The following IL1RAPL2 variants were observed in gnomAD, a reference collection of about 807,000 sequenced individuals.
The protein encoded by IL1RAPL2 is X-linked interleukin-1 receptor accessory protein-like 2.
A neutral mutation model predicts 44.1 loss-of-function variants in IL1RAPL2; 3 were observed. That is an observed-to-expected ratio of 0.07 (90% CI 0.03 to 0.18). IL1RAPL2 has a LOEUF of 0.18. IL1RAPL2 is among the 10% of genes least tolerant of loss of function. The pLI is 1.00. For missense variants in IL1RAPL2, 391 were observed against 496.4 expected (o/e 0.79, Z 2.02); for synonymous variants, 181 against 178.8 (o/e 1.01, Z -0.10).
intron 1 of IL1RAPL2, among the ~76,000 whole-genome samples, chrX:104,575,406 A>G (rs1054798425): frequency 9.0e-6 from 1 of 111,628 alleles, no homozygotes; most frequent in Non-Finnish European, 1.9e-5. Context: ...TTATAAACAT[A>G]TTGTATATAT....
chrX:105,030,564 A>G (rs1296979844), intron 2 of IL1RAPL2, among the ~76,000 whole-genome samples: 6 of 111,190 alleles, frequency 5.4e-5, no homozygotes, highest in African/African-American at 1.3e-4. Flanking sequence ...GTAGATATGC[A>G]CCATTATTTC....
intron 5 of IL1RAPL2, among the ~76,000 whole-genome samples, chrX:105,460,040 T>C (rs2036082686): frequency 9.0e-6 from 1 of 111,304 alleles, no homozygotes; most frequent in African/African-American, 3.3e-5. Flanking sequence ...TGCCAGCAGA[T>C]TGTCCAACAG....
intron 5 of IL1RAPL2, among the ~76,000 whole-genome samples, chrX:105,333,509 C>T (rs960390505): frequency 7.2e-5 from 8 of 111,205 alleles, no homozygotes; most frequent in African/African-American, 2.3e-4. Flanking sequence ...CAAAAATGGA[C>T]AAATGGAATC....
chrX:105,190,243 A>C (rs1806436030), intron 2 of IL1RAPL2, among the ~76,000 whole-genome samples: 1 of 111,869 alleles, frequency 8.9e-6, no homozygotes, highest in Non-Finnish European at 1.9e-5. Flanking sequence ...ATGGGGGTGT[A>C]GCCTGGTTCC....
intron 2 of IL1RAPL2, among the ~76,000 whole-genome samples, chrX:104,847,971 C>T (rs1022351475): frequency 9.1e-6 from 1 of 110,421 alleles, no homozygotes; most frequent in Non-Finnish European, 1.9e-5. Context: ...AATGGGAGTT[C>T]ACTCATGATT....
chrX:104,632,815 A>G (rs1929683688), intron 1 of IL1RAPL2, among the ~76,000 whole-genome samples: 1 of 108,482 alleles, frequency 9.2e-6, no homozygotes, highest in African/African-American at 3.3e-5. Context: ...CTCTTTTCCT[A>G]TTTGAATACC....
chrX:105,195,647 GC>G lies in IL1RAPL2; in HGVS notation c.258del (p.Ile87SerfsTer8). 1 of 1,211,415 alleles carries G rather than the reference GC, an allele frequency of 8.3e-7. No homozygotes were observed. Among genetic ancestry groups the G allele is most frequent in the Non-Finnish European group, 1.1e-6 (1 of 894,992 alleles). On this transcript the variant is annotated frameshift_variant, in exon 3 of 11. Transcript: ENST00000372582. LOFTEE classifies it high-confidence loss of function. ...WYKNKGDLEE[P>X]IIFSEVRMSK... is the part of the protein sequence containing the mutation. ...ACAAAAACAAAGGTGATTTGGAAGA[GC>G]CCATCATCTTTTCAGAGGTCAGGAT...
intron 2 of IL1RAPL2, among the ~76,000 whole-genome samples, chrX:104,731,460 T>TGGCGCAGTCTCTACTGACTGCAGC (rs1931917227): frequency 9.0e-6 from 1 of 110,918 alleles, no homozygotes; most frequent in African/African-American, 3.3e-5. Context: ...TGGAATGCAG[T>TGGCGCAGTCTCTACTGACTGCAGC]GGCGCAGTCT....
chrX:104,840,855 T>C (rs185020844), intron 2 of IL1RAPL2, among the ~76,000 whole-genome samples: 1 of 109,144 alleles, frequency 9.2e-6, no homozygotes, highest in African/African-American at 3.4e-5. Flanking sequence ...TTATTTATTT[T>C]TTTTTTGTAT....
intron 6 of IL1RAPL2, among the ~76,000 whole-genome samples, chrX:105,661,983 C>A (rs1350697520): frequency 8.9e-6 from 1 of 112,595 alleles, no homozygotes; most frequent in African/African-American, 3.2e-5. Flanking sequence ...TTACAAACTT[C>A]AGATAAAATG....
intron 5 of IL1RAPL2, among the ~76,000 whole-genome samples, chrX:105,356,585 T>C (rs775751171): frequency 9.0e-6 from 1 of 111,656 alleles, no homozygotes; most frequent in Non-Finnish European, 1.9e-5. Context: ...GATATTTATT[T>C]TACAGGATGT....
At chrX:104,627,566 C>T (rs760666552) in intron 1 of IL1RAPL2, among the ~76,000 whole-genome samples, 79 of 111,444 alleles carry the variant, frequency 7.1e-4, no homozygotes, top group African/African-American at 2.5e-3. Flanking sequence ...GTTGCTTTTG[C>T]TTATCCTTAA....
intron 2 of IL1RAPL2, among the ~76,000 whole-genome samples, chrX:104,823,989 G>T (rs1921382183): frequency 9.0e-6 from 1 of 111,713 alleles, no homozygotes; most frequent in Non-Finnish European, 1.9e-5. Context: ...AATGCTTCCA[G>T]TTTTTGCCCA....
intron 6 of IL1RAPL2, among the ~76,000 whole-genome samples, chrX:105,595,529 C>T (rs1208275652): frequency 1.8e-5 from 2 of 111,440 alleles, no homozygotes; most frequent in Non-Finnish European, 3.8e-5. Flanking sequence ...AGTTAAAACC[C>T]ATAAAATATT....
intron 6 of IL1RAPL2, among the ~76,000 whole-genome samples, chrX:105,688,402 A>C (rs1170353872): frequency 1.8e-5 from 2 of 111,772 alleles, no homozygotes; most frequent in Non-Finnish European, 3.8e-5. Flanking sequence ...ATGTGCAAAA[A>C]TCACAAGCTT....
chrX:104,668,272 G>A (rs1930521200), intron 2 of IL1RAPL2, among the ~76,000 whole-genome samples: 1 of 110,511 alleles, frequency 9.0e-6, no homozygotes, highest in African/African-American at 3.3e-5. Flanking sequence ...AGGGGGCAAG[G>A]TTGCTGAGAC....
At chrX:105,280,605 G>T (rs998795051) in intron 5 of IL1RAPL2, among the ~76,000 whole-genome samples, 2 of 111,035 alleles carry the variant, frequency 1.8e-5, no homozygotes, top group South Asian at 3.8e-4. Context: ...GCATCAAAAA[G>T]TTGGCAAAGG....
At chrX:105,313,891 C>T (rs767724295) in intron 5 of IL1RAPL2, among the ~76,000 whole-genome samples, 9 of 111,345 alleles carry the variant, frequency 8.1e-5, no homozygotes, top group Non-Finnish European at 1.5e-4. Flanking sequence ...ATTTTTAATG[C>T]CATACTTCTT....
intron 2 of IL1RAPL2, among the ~76,000 whole-genome samples, chrX:105,074,176 T>G (rs1461034864): frequency 1.8e-5 from 2 of 111,927 alleles, no homozygotes; most frequent in African/African-American, 3.3e-5. Flanking sequence ...TGGTTTTAGG[T>G]CTAACATTTA....
Sources: gnomAD v4.1 joint callset for allele counts (sites outside exome capture counted in the v4.1 genomes callset) on GRCh38, gnomAD v4.1.1 for gene constraint, MANE v1.5 for transcripts, NCBI Gene and HGNC (gene_info 2026-07-23, HGNC 2026-07-21) for gene names.